Variants in SIMC1 observed in about 807,000 individuals in gnomAD.
The protein encoded by SIMC1 is SUMO interacting motifs containing 1, also known as SUMO-interacting motif-containing protein 1.
In SIMC1, 55 loss-of-function variants were observed where a neutral mutation model predicts 82.3. That is an observed-to-expected ratio of 0.67 (90% CI 0.54 to 0.84). The LOEUF (loss-of-function observed/expected upper bound fraction) is 0.84. SIMC1 is among the 40% of genes least tolerant of loss of function. The probability of loss-of-function intolerance (pLI) is 0.00; values close to 1 mark genes in which losing one functional copy is unlikely to be tolerated. For missense variants in SIMC1, 915 were observed against 1,107.2 expected (o/e 0.83, Z 2.46); for synonymous variants, 353 against 426.3 (o/e 0.83, Z 2.12).
intron 4 of SIMC1, among the ~76,000 whole-genome samples, chr5:176,307,526 G>T (rs903565536): frequency 6.6e-6 from 1 of 151,948 alleles, no homozygotes; most frequent in African/African-American, 2.4e-5. Context: ...TCAGCCTCCC[G>T]AGTAGCTGGG....
At chr5:176,248,241 A>G (rs1369343072) in intron 1 of SIMC1, among the ~76,000 whole-genome samples, 2 of 152,128 alleles carry the variant, frequency 1.3e-5, no homozygotes, top group African/African-American at 4.8e-5. Context: ...ATCCATGAGC[A>G]TGGAATGTTT....
At chr5:176,322,244 A>C (rs1765195939) in intron 5 of SIMC1, 29 bp from the exon 6 acceptor site, 1 of 1,534,520 alleles carries the variant, frequency 6.5e-7, no homozygotes, top group Non-Finnish European at 8.8e-7. Context: ...AAGAAAGAAT[A>C]AACCTTTTCT....
chr5:176,293,747 CAAA>C (rs531149436), intron 2 of SIMC1, among the ~76,000 whole-genome samples: 2 of 111,094 alleles, frequency 1.8e-5, no homozygotes, highest in East Asian at 2.8e-4. Flanking sequence ...GACTTCATCT[CAAA>C]AAAAAAAAAA....
chr5:176,262,022 A>G (rs1320104616), intron 1 of SIMC1, among the ~76,000 whole-genome samples: 2 of 151,874 alleles, frequency 1.3e-5, no homozygotes, highest in East Asian at 3.9e-4. Flanking sequence ...TATAAGAGAA[A>G]ACTACAGACC....
At chr5:176,258,436 A>AC (rs1408578271) in intron 1 of SIMC1, among the ~76,000 whole-genome samples, 1 of 150,656 alleles carries the variant, frequency 6.6e-6, no homozygotes, top group Non-Finnish European at 1.5e-5. Context: ...CAAACCTCAT[A>AC]CCAGGTTTCC....
In SIMC1 at chr5:176,322,149, C is replaced by A. The variant is rs546379664; in HGVS notation, c.1890-124C>A. On this transcript the variant is annotated intron_variant, in intron 5 of 9. Transcript: ENST00000429602. ...AGGGAAATCCAGGGATCTGGGGGCC[C>A]AGGTTAAGGCTATAGTTCTGAGCAC... 3.8e-4 allele frequency: 418 copies of A among 1,111,036 alleles called. 2 individuals carry two copies. The highest frequency in any genetic ancestry group is 3.5e-3 in the Middle Eastern group (11 of 3,108). The allele number at this position is 1,111,036 out of a possible 1,614,324, so 68.8% of individuals were successfully genotyped here. A position where few individuals can be genotyped will look rare whatever the true frequency, so the allele number is the denominator to read the frequency against.
In SIMC1 at chr5:176,289,826, C is replaced by T. The variant is rs1293219646; in HGVS notation, c.302C>T (p.Ala101Val). The T allele has an allele frequency of 2.5e-6, 4 of 1,613,994 alleles. No individual in the cohort carries two copies. The South Asian group carries it at 3.3e-5, about 13-fold the overall frequency. Residue 101 changes from alanine to valine, a missense_variant, in exon 2 of 10, where the codon GCC (alanine) becomes GTC (valine). Ala to Val is a moderately conservative substitution (Grantham distance 64). Transcript: ENST00000429602. ...QKEPTSLQTC[A>V]SLSGKAVMEG... Reference sequence around the variant, plus strand: ...GAGCCAACCAGTCTTCAGACATGTGCCAGCCTCTCTGGCAAAGCGGTGATG... The same window carrying T: ...GAGCCAACCAGTCTTCAGACATGTGTCAGCCTCTCTGGCAAAGCGGTGATG...
At chr5:176,264,815 T>C (rs1191319270) in intron 1 of SIMC1, among the ~76,000 whole-genome samples, 5 of 152,092 alleles carry the variant, frequency 3.3e-5, no homozygotes, top group East Asian at 1.9e-4. Flanking sequence ...AGCAATGATA[T>C]TTGCTTTTAC....
At chr5:176,296,587 T>G in intron 4 of SIMC1, 1 of 472,904 alleles carries the variant, frequency 2.1e-6, no homozygotes, top group Non-Finnish European at 3.9e-6. Flanking sequence ...GAGGATTGCT[T>G]GAGCCTAGGA....
At chr5:176,246,769 C>A (rs1761462477) in intron 1 of SIMC1, among the ~76,000 whole-genome samples, 1 of 151,872 alleles carries the variant, frequency 6.6e-6, no homozygotes, top group Admixed American at 6.6e-5. Context: ...AGCCCCCCAC[C>A]CCCCAACAGG....
intron 6 of SIMC1, among the ~76,000 whole-genome samples, chr5:176,323,621 G>A (rs888412621): frequency 2.6e-5 from 4 of 152,200 alleles, no homozygotes; most frequent in African/African-American, 7.2e-5. Context: ...TGAGGCCAGA[G>A]CTGCTGGTCT....
intron 4 of SIMC1, chr5:176,308,171 C>T: frequency 8.4e-7 from 1 of 1,194,226 alleles, no homozygotes; most frequent in East Asian, 2.4e-5. Context: ...AGTGATGGGG[C>T]TGTGGATAGG....
chr5:176,274,610 G>C lies in SIMC1; in HGVS notation c.130-15044G>C, dbSNP rs537432071. Among the ~76,000 whole-genome samples, 6 of 151,928 alleles carry C rather than the reference G, an allele frequency of 3.9e-5. No homozygotes were observed. In the South Asian group the frequency reaches 1.0e-3, roughly 26 times the overall value. On this transcript the variant is annotated intron_variant, in intron 1 of 9. Transcript: ENST00000429602. The stretch of plus-strand genomic sequence containing the variant: ...CTATGTCCTGAATGGTAATGCCTAG[G>C]TTTTCTTCTAGGGTTTTTATGGTTT...
chr5:176,283,968 G>C (rs1219543522), intron 1 of SIMC1, among the ~76,000 whole-genome samples: 1 of 152,140 alleles, frequency 6.6e-6, no homozygotes, highest in Non-Finnish European at 1.5e-5. Flanking sequence ...TCAACAAGAA[G>C]ACCTAACTAT....
At position 176,265,854 on chromosome 5, in the gene SIMC1, G is replaced by C. The variant is rs564676014; in HGVS notation, c.130-23800G>C. Among the ~76,000 whole-genome samples, 231 of 151,954 alleles carry C rather than the reference G, an allele frequency of 1.5e-3. 1 individual carries two copies. The highest frequency in any genetic ancestry group is 0.012 in the East Asian group (60 of 5,180). On this transcript the variant is annotated intron_variant, in intron 1 of 9. Transcript: ENST00000429602. ...ATTAGATTAAATTTATTTATTAATC[G>C]TGTTGGATCCAAGTACCTTATAGCT...
At chr5:176,344,545 TCA>T (rs1214121019) in intron 9 of SIMC1, among the ~76,000 whole-genome samples, 2 of 151,904 alleles carry the variant, frequency 1.3e-5, no homozygotes, top group African/African-American at 4.8e-5. Context: ...TTTAGTTGGC[TCA>T]CAGTTCTACA....
intron 1 of SIMC1, among the ~76,000 whole-genome samples, chr5:176,287,726 C>G (rs1025632609): frequency 1.4e-5 from 2 of 147,660 alleles, no homozygotes; most frequent in African/African-American, 5.0e-5. Context: ...AAAAAAAAAT[C>G]CTAAGGAATC....
chr5:176,286,890 A>G (rs1763313859), intron 1 of SIMC1, among the ~76,000 whole-genome samples: 1 of 152,240 alleles, frequency 6.6e-6, no homozygotes, highest in Non-Finnish European at 1.5e-5. Context: ...GCTCATCATC[A>G]CTGGCTATCG....
At chr5:176,243,015 A>G (rs1010525825) in intron 1 of SIMC1, among the ~76,000 whole-genome samples, 3 of 152,084 alleles carry the variant, frequency 2.0e-5, no homozygotes, top group African/African-American at 7.2e-5. Context: ...TTATTTTTTT[A>G]TTATGATTCA....
Sources: gnomAD v4.1 joint callset for allele counts (sites outside exome capture counted in the v4.1 genomes callset) on GRCh38, gnomAD v4.1.1 for gene constraint, MANE v1.5 for transcripts, NCBI Gene and HGNC (gene_info 2026-07-23, HGNC 2026-07-21) for gene names.